MX1: variants seen among roughly 807,000 people sequenced by gnomAD.
MX1 encodes the protein interferon-induced GTP-binding protein Mx1.
In MX1, 66 loss-of-function variants were observed where a neutral mutation model predicts 66.4. That is an observed-to-expected ratio of 0.99 (90% CI 0.82 to 1.22). The LOEUF is 1.22. Ranked by LOEUF, MX1 falls within the 50% of genes most tolerant of loss-of-function variation. The pLI, the probability that MX1 is intolerant of heterozygous loss-of-function variation, is 0.00. For missense variants in MX1, 787 were observed against 834.3 expected (o/e 0.94, Z 0.70); for synonymous variants, 311 against 318.1 (o/e 0.98, Z 0.24).
At chr21:41,451,847 AAAAAC>A in intron 15 of MX1, among the ~76,000 whole-genome samples, 1 of 146,196 alleles carries the variant, frequency 6.8e-6, no homozygotes, top group Admixed American at 6.8e-5. Context: ...AAAAAAAAAA[AAAAAC>A]AAACAAAAAA....
In MX1 at chr21:41,430,100, C is replaced by T. The variant is rs140514456; in HGVS notation, c.-97-433C>T. ...CACTTCCCAACCTTCCTGACATGGG[C>T]GTTTCTGTGAACTCCAGTGTGATGG... is the stretch of plus-strand genomic sequence containing the variant. On this transcript the variant is annotated intron_variant, in intron 3 of 16. Transcript: ENST00000398598. 6.8e-4 allele frequency among the ~76,000 whole-genome samples: 103 copies of T among 152,118 alleles called. 2 individuals carry two copies. In the South Asian group the frequency reaches 0.02, roughly 29 times the overall value.
chr21:41,440,129 G>C (rs2090467073), intron 8 of MX1, among the ~76,000 whole-genome samples: 1 of 152,172 alleles, frequency 6.6e-6, no homozygotes, highest in South Asian at 2.1e-4. Flanking sequence ...ACTTGTTTTT[G>C]GTTATATACA....
rs1601552919 is a variant in MX1, at chr21:41,459,039, G to A, written c.*281G>A. 2 of 541,856 alleles carry A rather than the reference G, an allele frequency of 3.7e-6. No individual in the cohort carries two copies. Among genetic ancestry groups the A allele is most frequent in the Non-Finnish European group, 6.5e-6 (2 of 307,858 alleles). 33.6% of individuals were successfully genotyped at this position (541,856 alleles called of 1,614,324 possible). On this transcript the variant is annotated 3_prime_UTR_variant, in exon 17 of 17. Coordinates refer to ENST00000398598, the MANE Select transcript of MX1 (RefSeq NM_002462.5). ...GCCCTCAGAATCGCTCCACCTTGCA[G>A]CTCTCCCCTTCTCTGTATTCCTAGA...
At chr21:41,449,499 A>T in intron 14 of MX1, 1 of 487,738 alleles carries the variant, frequency 2.1e-6, no homozygotes, top group Non-Finnish European at 3.6e-6. Flanking sequence ...TGGACCCCAT[A>T]GCTTAAGGGC....
rs949921303 is a variant in MX1 at position 41,441,439 on chromosome 21, G to A, written c.731-277G>A. The A allele has an allele frequency of 7.4e-5, 39 of 525,578 alleles. No homozygotes were observed. Among genetic ancestry groups the A allele is most frequent in the Admixed American group, 2.5e-4 (8 of 31,748 alleles). The allele number at this position is 525,578 out of a possible 1,614,324, so 32.6% of individuals were successfully genotyped here. A position where few individuals can be genotyped will look rare whatever the true frequency, so the allele number is the denominator to read the frequency against. Reference sequence around the variant, plus strand: ...GAGATGGGATGTCCATAACTCAAGGGATAAACAAAACGTGGCGTGTTCTAC... The same window carrying A: ...GAGATGGGATGTCCATAACTCAAGGAATAAACAAAACGTGGCGTGTTCTAC... On this transcript the variant is annotated intron_variant, in intron 9 of 16. Transcript: ENST00000398598. This position sits in a 1 kb window ranked among gnomAD's most constrained non-coding sequence, Gnocchi z 4.0.
intron 16 of MX1, among the ~76,000 whole-genome samples, chr21:41,456,751 GT>G (rs57537394): frequency 6.6e-6 from 1 of 151,346 alleles, no homozygotes; most frequent in African/African-American, 2.4e-5. Context: ...AAAGTTGTTG[GT>G]TTTTTTTGTT....
intron 16 of MX1, among the ~76,000 whole-genome samples, chr21:41,454,991 C>T (rs921492799): frequency 1.2e-4 from 18 of 151,882 alleles, no homozygotes; most frequent in Admixed American, 4.6e-4. Flanking sequence ...ACTGCAACCT[C>T]TACATCCTGG....
intron 4 of MX1, among the ~76,000 whole-genome samples, chr21:41,431,074 G>A (rs1029703996): frequency 2.0e-5 from 3 of 152,208 alleles, no homozygotes; most frequent in Non-Finnish European, 4.4e-5. Context: ...CCAGGCTGGA[G>A]TGCAGTGGTG....
rs567835253 is a variant in MX1 at position 41,445,534 on chromosome 21, G to A, written c.1095G>A (p.Pro365=). 323 of 1,614,146 alleles carry A rather than the reference G, an allele frequency of 2.0e-4. 11 individuals are homozygous for A. The Middle Eastern group carries it at 0.017, about 84-fold the overall frequency. The change falls in exon 12 of 17, where the codon CCG becomes CCA. Residue 365 remains proline (P), a synonymous_variant. Coordinates refer to ENST00000398598, the MANE Select transcript of MX1 (RefSeq NM_002462.5). The part of the protein sequence containing the change: ...EELQKYGVDI[P]EDENEKMFFL... ...TACAAAAGTATGGTGTCGACATACC[G>A]GAAGACGAAAATGAAAAAATGTTCT...
chr21:41,440,801 C>T, intron 8 of MX1, 86 bp from the exon 9 acceptor site: 2 of 1,533,418 alleles, frequency 1.3e-6, no homozygotes, highest in East Asian at 2.3e-5. Flanking sequence ...CTCTTAGGGC[C>T]TAAAGCAAGT....
chr21:41,440,081 A>C (rs1268163433), intron 8 of MX1, among the ~76,000 whole-genome samples: 4 of 152,100 alleles, frequency 2.6e-5, no homozygotes, highest in Non-Finnish European at 5.9e-5. Flanking sequence ...CACAGTTGGA[A>C]ATGTGTTCTG....
At chr21:41,424,910 A>G (rs1244615168), upstream of MX1, among the ~76,000 whole-genome samples, 2 of 152,232 alleles carry the variant, frequency 1.3e-5, no homozygotes, top group Non-Finnish European at 1.5e-5. Flanking sequence ...AGACAAAGAC[A>G]GTAAATTACT....
chr21:41,431,406 C>T (rs775476446), intron 4 of MX1, among the ~76,000 whole-genome samples: 1 of 151,932 alleles, frequency 6.6e-6, no homozygotes, highest in African/African-American at 2.4e-5. Context: ...ATACTGAAAA[C>T]GTTTTTGAAG....
At position 41,459,040 on chromosome 21, in the gene MX1, C is replaced by T. The variant is rs566665743; in HGVS notation, c.*282C>T. On this transcript the variant is annotated 3_prime_UTR_variant, in exon 17 of 17. Transcript: ENST00000398598. ...CCCTCAGAATCGCTCCACCTTGCAG[C>T]TCTCCCCTTCTCTGTATTCCTAGAA... The T allele has an allele frequency of 9.6e-5, 51 of 531,566 alleles. No individual in the cohort carries two copies. The South Asian group carries it at 1.5e-3, about 15-fold the overall frequency. 32.9% of individuals were successfully genotyped at this position (531,566 alleles called of 1,614,324 possible).
chr21:41,424,269 G>A (rs1325963581), upstream of MX1, among the ~76,000 whole-genome samples: 1 of 150,850 alleles, frequency 6.6e-6, no homozygotes, highest in Non-Finnish European at 1.5e-5. Context: ...GTGTTAAAGT[G>A]AGGTCATTGC....
At chr21:41,428,996 C>A (rs461448) in intron 3 of MX1, 51,998 of 152,060 alleles carry the variant, frequency 0.34, 9,055 homozygotes, top group East Asian at 0.58. Flanking sequence ...AGGCTCTGAC[C>A]AGTGGGGCTG....
intron 15 of MX1, among the ~76,000 whole-genome samples, chr21:41,451,850 AACAAAC>A (rs1419445022): frequency 1.3e-4 from 9 of 69,700 alleles, no homozygotes; most frequent in African/African-American, 1.9e-4. Context: ...AAAAAAAAAA[AACAAAC>A]AAAAAAACTT....
At position 41,441,617 on chromosome 21, in the gene MX1, T is replaced by C; in HGVS notation, c.731-99T>C. The C allele has an allele frequency of 8.0e-7, 1 of 1,257,096 alleles. No homozygotes were observed. The highest frequency in any genetic ancestry group is 1.2e-6 in the Non-Finnish European group (1 of 862,244). 77.9% of individuals were successfully genotyped at this position (1,257,096 alleles called of 1,614,324 possible). A position where few individuals can be genotyped will look rare whatever the true frequency, so the allele number is the denominator to read the frequency against. ...GCTATGGCCTGTCCTCAAGCAAGGA[T>C]GGGAGGAAACCCTGGGAGGCCGGGG... On this transcript the variant is annotated intron_variant, in intron 9 of 16. Transcript: ENST00000398598. The surrounding 1 kb of genome is among the most constrained non-coding windows in gnomAD (Gnocchi z 4.0).
chr21:41,430,300 A>G (rs533213774), intron 3 of MX1, among the ~76,000 whole-genome samples: 5 of 152,264 alleles, frequency 3.3e-5, no homozygotes, highest in Admixed American at 2.6e-4. Flanking sequence ...ATCCTTACAT[A>G]TTATTGATCC....
Sources: gnomAD v4.1 joint callset for allele counts (sites outside exome capture counted in the v4.1 genomes callset) on GRCh38, gnomAD v4.1.1 for gene constraint, Gnocchi (gnomAD v3.1) non-coding constraint, MANE v1.5 for transcripts, NCBI Gene and HGNC (gene_info 2026-07-23, HGNC 2026-07-21) for gene names.